Variants in GRM7 observed in about 807,000 individuals in gnomAD.
The protein encoded by GRM7 is metabotropic glutamate receptor 7.
A neutral mutation model predicts 84.5 loss-of-function variants in GRM7; 35 were observed. The observed-to-expected ratio is 0.41, with a 90% CI of 0.32 to 0.55. The LOEUF (loss-of-function observed/expected upper bound fraction) is 0.55, where lower values mean the gene tolerates loss of function less well. Among genes scored for constraint, GRM7 ranks in the 20% least tolerant of loss-of-function variants. The pLI is 0.19. For synonymous variants in GRM7, 487 were observed against 455.1 expected (o/e 1.07, Z -0.89); for missense variants, 1,003 against 1,194.6 (o/e 0.84, Z 2.36).
chr3:7,347,529 A>G (rs1692945165), intron 4 of GRM7, among the ~76,000 whole-genome samples: 1 of 152,304 alleles, frequency 6.6e-6, no homozygotes, highest in South Asian at 2.1e-4. Flanking sequence ...GGACCCGTGC[A>G]GATTGTCGGG....
intron 1 of GRM7, among the ~76,000 whole-genome samples, chr3:7,059,167 A>C (rs1412875852): frequency 6.7e-6 from 1 of 149,308 alleles, no homozygotes; most frequent in Non-Finnish European, 1.5e-5. Context: ...TACATTTTAC[A>C]TATATATATA....
Position 7,216,146 on chromosome 3 carries a change from T to C in GRM7, c.736+69478T>C, listed in dbSNP as rs564852861. Among the ~76,000 whole-genome samples, 136 of 152,356 alleles carry C rather than the reference T, an allele frequency of 8.9e-4. 1 individual carries two copies. The highest frequency in any genetic ancestry group is 2.8e-3 in the African/African-American group (118 of 41,580). On this transcript the variant is annotated intron_variant, in intron 2 of 9. Transcript: ENST00000357716. ...AGCTTTTGAAAATGCCTCAGAAAGT[T>C]ATCTCTGTCTGCTATTTCTGTCACT...
At chr3:7,294,577 G>A (rs66868268) in intron 2 of GRM7, among the ~76,000 whole-genome samples, 573 of 22,826 alleles carry the variant, frequency 0.025, 4 homozygotes, top group African/African-American at 0.087. Flanking sequence ...AAAAAAAAAA[G>A]AAAAATGTTT....
At chr3:7,352,424 T>C (rs550305148) in intron 4 of GRM7, among the ~76,000 whole-genome samples, 6 of 152,194 alleles carry the variant, frequency 3.9e-5, no homozygotes, top group South Asian at 2.1e-4. Context: ...AAGGATAAGC[T>C]CTGGGATTTG....
intron 2 of GRM7, among the ~76,000 whole-genome samples, chr3:7,165,163 T>C (rs1259796014): frequency 2.0e-5 from 3 of 152,194 alleles, no homozygotes; most frequent in Non-Finnish European, 4.4e-5. Flanking sequence ...TTTTCACTCT[T>C]CCTAACTTCC....
intron 4 of GRM7, among the ~76,000 whole-genome samples, chr3:7,321,563 A>T (rs1033289207): frequency 6.6e-6 from 1 of 150,440 alleles, no homozygotes; most frequent in Non-Finnish European, 1.5e-5. Context: ...ATCTTTTTCT[A>T]TTTTATTTCA....
chr3:7,096,670 C>A (rs746743356), intron 1 of GRM7, among the ~76,000 whole-genome samples: 5 of 152,118 alleles, frequency 3.3e-5, no homozygotes, highest in Non-Finnish European at 5.9e-5. Flanking sequence ...CCCTTGTCCC[C>A]TCTGAGGAGG....
chr3:6,934,526 G>T (rs912591060), intron 1 of GRM7, among the ~76,000 whole-genome samples: 3 of 152,158 alleles, frequency 2.0e-5, no homozygotes, highest in Admixed American at 6.5e-5. Flanking sequence ...TTACCATGAA[G>T]ACATTAGAAT....
At chr3:7,561,414 A>G (rs1694022731) in intron 7 of GRM7, 1 of 429,606 alleles carries the variant, frequency 2.3e-6, no homozygotes, top group Non-Finnish European at 4.7e-6. Flanking sequence ...ATTGTTTAAT[A>G]CAGTGCATGG....
chr3:7,472,577 C>G (rs1264806579), intron 7 of GRM7, among the ~76,000 whole-genome samples: 2 of 152,168 alleles, frequency 1.3e-5, no homozygotes, highest in Non-Finnish European at 2.9e-5. Flanking sequence ...GGAGAGAGGA[C>G]TGTTGACTCC....
At chr3:7,080,318 TC>T (rs1698235816) in intron 1 of GRM7, among the ~76,000 whole-genome samples, 2 of 152,046 alleles carry the variant, frequency 1.3e-5, no homozygotes, top group Non-Finnish European at 2.9e-5. Context: ...TCCTAGAGTT[TC>T]CCTTTCACAT....
intron 1 of GRM7, among the ~76,000 whole-genome samples, chr3:7,040,139 C>T (rs760899096): frequency 6.6e-6 from 1 of 152,150 alleles, no homozygotes; most frequent in East Asian, 1.9e-4. Context: ...CACATTTACT[C>T]GAAGTTCAAA....
intron 8 of GRM7, among the ~76,000 whole-genome samples, chr3:7,644,156 A>G (rs115045860): frequency 2.1e-5 from 1 of 47,392 alleles, no homozygotes; most frequent in Admixed American, 1.9e-4. Flanking sequence ...GTCTGTACGT[A>G]TATATATATA....
rs771732538 is a variant in GRM7, at chr3:7,486,499, A to G, written c.1515+24777A>G. 3.3e-4 allele frequency among the ~76,000 whole-genome samples: 51 copies of G among 152,266 alleles called. No homozygotes were observed. Among genetic ancestry groups the G allele is most frequent in the Non-Finnish European group, 4.9e-4 (33 of 68,014 alleles). On this transcript the variant is annotated intron_variant, in intron 7 of 9. Transcript: ENST00000357716. This position sits in a 1 kb window ranked among gnomAD's most constrained non-coding sequence, Gnocchi z 5.5. ...TGAAGGGATTAATGCAGTCACTGGG[A>G]GAGTGAGTGAGTTTTTGCTTTCCTG...
chr3:7,541,556 G>T lies in GRM7; in HGVS notation c.1516-36866G>T, dbSNP rs138497573. Among the ~76,000 whole-genome samples the T allele has an allele frequency of 1.2e-3, 177 of 152,294 alleles. 1 individual carries two copies. Among genetic ancestry groups the T allele is most frequent in the African/African-American group, 3.9e-3 (162 of 41,552 alleles). On this transcript the variant is annotated intron_variant, in intron 7 of 9. Transcript: ENST00000357716. ...TTAAGAACTTACCCAAAGTGACTGT[G>T]AGTGGGTTAGTGGTAGTTTACATGT...
At chr3:7,023,970 G>C (rs1039979809) in intron 1 of GRM7, among the ~76,000 whole-genome samples, 1 of 152,152 alleles carries the variant, frequency 6.6e-6, no homozygotes, top group Non-Finnish European at 1.5e-5. Context: ...GGGTGATGGA[G>C]ACCAGGCCTG....
intron 7 of GRM7, among the ~76,000 whole-genome samples, chr3:7,551,990 G>A (rs1452628145): frequency 6.6e-6 from 1 of 152,128 alleles, no homozygotes; most frequent in Non-Finnish European, 1.5e-5. Flanking sequence ...GAGTGAAGTG[G>A]GGAAGAGCCC....
intron 1 of GRM7, among the ~76,000 whole-genome samples, chr3:6,880,785 A>T (rs759033914): frequency 6.6e-6 from 1 of 152,168 alleles, no homozygotes; most frequent in African/African-American, 2.4e-5. Context: ...TCTCAAACTG[A>T]AAAAGGAGAT....
At chr3:7,191,870 T>A (rs1378347129) in intron 2 of GRM7, among the ~76,000 whole-genome samples, 1 of 152,056 alleles carries the variant, frequency 6.6e-6, no homozygotes, top group African/African-American at 2.4e-5. Context: ...TAAACGTTAC[T>A]ATATATTTAA....
Sources: allele counts gnomAD v4.1 joint callset (sites outside exome capture counted in the v4.1 genomes callset), GRCh38; gene constraint gnomAD v4.1.1; non-coding constraint Gnocchi (gnomAD v3.1); transcripts MANE v1.5; gene names NCBI Gene and HGNC (gene_info 2026-07-23, HGNC 2026-07-21).